Variants in RAD51B observed in about 807,000 individuals in gnomAD.
RAD51B encodes DNA repair protein RAD51 homolog 2.
In RAD51B, 38 loss-of-function variants were observed where a neutral mutation model predicts 42.2. That is an observed-to-expected ratio of 0.90 (90% CI 0.70 to 1.18). The LOEUF is 1.18. RAD51B is among the 50% of genes most tolerant of loss of function. RAD51B has a pLI of 0.00. For missense variants in RAD51B, 373 were observed against 400.7 expected (o/e 0.93, Z 0.59); for synonymous variants, 154 against 145.2 (o/e 1.06, Z -0.43).
chr14:68,672,418 C>T (rs2140155599), intron 11 of RAD51B, among the ~76,000 whole-genome samples: 1 of 152,266 alleles, frequency 6.6e-6, no homozygotes, highest in Non-Finnish European at 1.5e-5. Flanking sequence ...GCCTTTCTGC[C>T]GTCAGAGAAC....
At chr14:68,446,397 T>A (rs1036356944) in intron 9 of RAD51B, among the ~76,000 whole-genome samples, 1 of 152,206 alleles carries the variant, frequency 6.6e-6, no homozygotes, top group Non-Finnish European at 1.5e-5. Flanking sequence ...CCTTCTCTCA[T>A]ACCTACACTA....
At chr14:68,482,555 G>T (rs997452206), downstream of RAD51B, among the ~76,000 whole-genome samples, 2 of 152,110 alleles carry the variant, frequency 1.3e-5, no homozygotes, top group East Asian at 3.8e-4. Context: ...CCTAAAAACT[G>T]GTCTTGGAAC....
intron 7 of RAD51B, among the ~76,000 whole-genome samples, chr14:67,989,635 CAAAAAAAA>C (rs764608072): frequency 3.0e-5 from 2 of 66,904 alleles, no homozygotes; most frequent in Non-Finnish European, 5.6e-5. Context: ...AACTCTGTCT[CAAAAAAAA>C]AAAAAAAAAA....
chr14:68,032,065 G>C (rs2076054929), intron 7 of RAD51B, among the ~76,000 whole-genome samples: 1 of 152,030 alleles, frequency 6.6e-6, no homozygotes, highest in Admixed American at 6.5e-5. Flanking sequence ...ATTTGTGTCT[G>C]TTACTATGAA....
At chr14:68,209,852 T>C (rs1332424406) in intron 7 of RAD51B, among the ~76,000 whole-genome samples, 1 of 152,216 alleles carries the variant, frequency 6.6e-6, no homozygotes, top group Non-Finnish European at 1.5e-5. Flanking sequence ...TAAAGGAAGC[T>C]TCTTGCCAGG....
At chr14:68,192,154 G>A (rs1264920631) in intron 7 of RAD51B, among the ~76,000 whole-genome samples, 1 of 152,192 alleles carries the variant, frequency 6.6e-6, no homozygotes, top group Non-Finnish European at 1.5e-5. Context: ...TGTATTGAGT[G>A]AATATAAGGA....
At chr14:68,084,233 A>G (rs935985163) in intron 7 of RAD51B, among the ~76,000 whole-genome samples, 2 of 152,218 alleles carry the variant, frequency 1.3e-5, no homozygotes, top group African/African-American at 2.4e-5. Flanking sequence ...TAGAAAATGG[A>G]AAGTGTCATA....
At chr14:68,672,881 G>A (rs1358622722) in intron 11 of RAD51B, among the ~76,000 whole-genome samples, 4 of 152,152 alleles carry the variant, frequency 2.6e-5, no homozygotes, top group Non-Finnish European at 2.9e-5. Flanking sequence ...TCGTGCTCCT[G>A]ATTAGTCTGC....
At chr14:67,960,152 G>A (rs185947824) in intron 7 of RAD51B, among the ~76,000 whole-genome samples, 7 of 151,734 alleles carry the variant, frequency 4.6e-5, no homozygotes, top group East Asian at 1.9e-4. Context: ...CAAACATAAC[G>A]TTCTATGTTA....
chr14:67,866,683 A>G (rs781095050), intron 5 of RAD51B, among the ~76,000 whole-genome samples: 2 of 152,268 alleles, frequency 1.3e-5, no homozygotes, highest in Non-Finnish European at 2.9e-5. Context: ...ATTGGGTGAT[A>G]TCAGCATACA....
At chr14:68,272,658 TATATATA>T (rs1206564131) in intron 7 of RAD51B, among the ~76,000 whole-genome samples, 2 of 25,302 alleles carry the variant, frequency 7.9e-5, no homozygotes, top group African/African-American at 4.2e-4. Flanking sequence ...TATATATATA[TATATATA>T]TTTTTTTTTT....
At chr14:68,616,049 G>T (rs922803799), downstream of RAD51B, among the ~76,000 whole-genome samples, 1 of 151,882 alleles carries the variant, frequency 6.6e-6, no homozygotes, top group African/African-American at 2.4e-5. Flanking sequence ...ATTTTATCTA[G>T]ACCATTGACT....
intron 7 of RAD51B, among the ~76,000 whole-genome samples, chr14:68,026,736 C>T (rs2140360816): frequency 6.6e-6 from 1 of 152,074 alleles, no homozygotes; most frequent in African/African-American, 2.4e-5. Context: ...CTGTGGATTT[C>T]ATTACATGTG....
intron 8 of RAD51B, among the ~76,000 whole-genome samples, chr14:68,357,824 CTTG>C (rs1348001969): frequency 3.3e-5 from 5 of 152,162 alleles, no homozygotes; most frequent in Admixed American, 3.3e-4. Flanking sequence ...CCATCCATTC[CTTG>C]TTGTTCCATT....
chr14:67,879,544 G>C (rs2042840406), intron 5 of RAD51B, among the ~76,000 whole-genome samples: 1 of 152,028 alleles, frequency 6.6e-6, no homozygotes, highest in South Asian at 2.1e-4. Flanking sequence ...CCGGACTTAA[G>C]AGAGCCTCCT....
At chr14:68,654,291 C>T (rs1892764024) in intron 11 of RAD51B, among the ~76,000 whole-genome samples, 1 of 152,204 alleles carries the variant, frequency 6.6e-6, no homozygotes, top group African/African-American at 2.4e-5. Context: ...TTTTTTCTAT[C>T]CCAGAAGCAT....
chr14:68,060,962 G>A (rs2076557233), intron 7 of RAD51B, among the ~76,000 whole-genome samples: 1 of 149,848 alleles, frequency 6.7e-6, no homozygotes. Flanking sequence ...GTACCATGCT[G>A]TCTTGGTTAC....
chr14:68,071,915 A>G (rs2076745457), intron 7 of RAD51B, among the ~76,000 whole-genome samples: 1 of 150,362 alleles, frequency 6.7e-6, no homozygotes, highest in Non-Finnish European at 1.5e-5. Flanking sequence ...TAGTTTTTGT[A>G]TTACCGATTC....
chr14:67,941,209 A>T (rs1399149104), intron 7 of RAD51B, among the ~76,000 whole-genome samples: 1 of 152,214 alleles, frequency 6.6e-6, no homozygotes, highest in Admixed American at 6.5e-5. Flanking sequence ...ATTAAAAATA[A>T]CACGGAGTTA....
Sources: allele counts gnomAD v4.1 joint callset (sites outside exome capture counted in the v4.1 genomes callset), GRCh38; gene constraint gnomAD v4.1.1; transcripts MANE v1.5; gene names NCBI Gene and HGNC (gene_info 2026-07-23, HGNC 2026-07-21).